Variants in MOB3B observed in about 807,000 individuals in gnomAD.
The protein encoded by MOB3B is MOB kinase activator 3B.
In MOB3B, 7 loss-of-function variants were observed where a neutral mutation model predicts 18.7. That is an observed-to-expected ratio of 0.37 (90% CI 0.21 to 0.70). The LOEUF (loss-of-function observed/expected upper bound fraction) is 0.70, where lower values mean the gene tolerates loss of function less well. MOB3B is among the 30% of genes least tolerant of loss of function. The pLI is 0.52. For synonymous variants in MOB3B, 111 were observed against 99.9 expected, an observed-to-expected ratio of 1.11 and a Z score of -0.66; for missense variants, 253 against 281.3, an observed-to-expected ratio of 0.90 and a Z score of 0.72.
At chr9:27,386,911 T>C (rs1002835087) in intron 2 of MOB3B, among the ~76,000 whole-genome samples, 2 of 152,198 alleles carry the variant, frequency 1.3e-5, no homozygotes, top group African/African-American at 4.8e-5. Context: ...CTAAGGCATG[T>C]GAACGCAGCA....
At chr9:27,474,084 C>A (rs533836324) in intron 1 of MOB3B, among the ~76,000 whole-genome samples, 23 of 152,150 alleles carry the variant, frequency 1.5e-4, no homozygotes, top group Admixed American at 4.6e-4. Context: ...TTATAAGCCA[C>A]CCAGTCTAAG....
At chr9:27,455,053 G>T in intron 2 of MOB3B, 80 bp downstream of exon 2, 3 of 1,437,712 alleles carry the variant, frequency 2.1e-6, no homozygotes, top group Non-Finnish European at 2.9e-6. Context: ...GTGCTACCTA[G>T]CATTCAAAGG....
intron 2 of MOB3B, among the ~76,000 whole-genome samples, chr9:27,396,178 C>A (rs746201156): frequency 6.6e-6 from 1 of 152,110 alleles, no homozygotes; most frequent in Non-Finnish European, 1.5e-5. Flanking sequence ...AAATAGTAAA[C>A]CACATTTTCT....
At chr9:27,518,855 G>A (rs1191860036) in intron 1 of MOB3B, among the ~76,000 whole-genome samples, 2 of 152,138 alleles carry the variant, frequency 1.3e-5, no homozygotes, top group South Asian at 2.1e-4. Flanking sequence ...GAAGTCACAC[G>A]GCAGTTTTTG....
At chr9:27,428,635 C>T (rs551439987) in intron 2 of MOB3B, among the ~76,000 whole-genome samples, 4 of 152,226 alleles carry the variant, frequency 2.6e-5, no homozygotes, top group Non-Finnish European at 4.4e-5. Flanking sequence ...AATTTATTGA[C>T]ATGACTTATT....
chr9:27,465,837 G>A (rs1390316025), intron 1 of MOB3B, among the ~76,000 whole-genome samples: 5 of 152,192 alleles, frequency 3.3e-5, no homozygotes, highest in Admixed American at 2.6e-4. Context: ...GGCCACAGCT[G>A]GAATGGCTGG....
At chr9:27,478,787 C>T (rs1819600429) in intron 1 of MOB3B, among the ~76,000 whole-genome samples, 1 of 145,882 alleles carries the variant, frequency 6.9e-6, no homozygotes, top group Admixed American at 7.0e-5. Flanking sequence ...TAGAAAATTA[C>T]AAGTCCCAAG....
intron 3 of MOB3B, among the ~76,000 whole-genome samples, chr9:27,336,765 C>T (rs1042234725): frequency 5.3e-5 from 8 of 152,044 alleles, no homozygotes; most frequent in South Asian, 2.1e-4. Flanking sequence ...ACAGCACGCC[C>T]GCACACGTGT....
rs1026312138 is a variant in MOB3B at position 27,436,445 on chromosome 9, G to A, written c.418+18688C>T. Among the ~76,000 whole-genome samples, 17 of 152,136 alleles carry A rather than the reference G, an allele frequency of 1.1e-4. 1 individual carries two copies. The highest frequency in any genetic ancestry group is 3.4e-4 in the African/African-American group (14 of 41,430). ...AGTTCATGAGGACAAGGTCATGCAC[G>A]TTTTGTTTCCCACTGTGTTCCAGTG... On this transcript the variant is annotated intron_variant, in intron 2 of 3. Coordinates refer to ENST00000262244, the MANE Select transcript of MOB3B (RefSeq NM_024761.5).
intron 2 of MOB3B, among the ~76,000 whole-genome samples, chr9:27,363,598 GGCTTAGCTCAGTTAAATCATTT>G (rs921300428): frequency 6.6e-6 from 1 of 151,616 alleles, no homozygotes; most frequent in Non-Finnish European, 1.5e-5. Flanking sequence ...TGGAAACTGA[GGCTTAGCTCAGTTAAATCATTT>G]GCCCCAGGCC....
intron 1 of MOB3B, among the ~76,000 whole-genome samples, chr9:27,489,694 GGA>G (rs1819784687): frequency 6.7e-6 from 1 of 148,204 alleles, no homozygotes; most frequent in Non-Finnish European, 1.5e-5. Context: ...TTTCCTGGCT[GGA>G]AACAGGCCCC....
At chr9:27,412,213 T>C (rs975806780) in intron 2 of MOB3B, among the ~76,000 whole-genome samples, 1 of 147,242 alleles carries the variant, frequency 6.8e-6, no homozygotes, top group African/African-American at 2.5e-5. Context: ...TAAGATAAAA[T>C]CAAGGAGAGG....
intron 2 of MOB3B, among the ~76,000 whole-genome samples, chr9:27,441,161 G>A (rs918294497): frequency 6.6e-6 from 1 of 152,162 alleles, no homozygotes; most frequent in Non-Finnish European, 1.5e-5. Context: ...ACCAACAAAT[G>A]TAATGTCTTT....
At chr9:27,345,235 T>A (rs779033317) in intron 3 of MOB3B, among the ~76,000 whole-genome samples, 1 of 152,046 alleles carries the variant, frequency 6.6e-6, no homozygotes, top group Non-Finnish European at 1.5e-5. Context: ...TAAAAATTGC[T>A]CTCTAAATGT....
intron 1 of MOB3B, among the ~76,000 whole-genome samples, chr9:27,527,391 G>A (rs1443279746): frequency 1.3e-5 from 2 of 152,076 alleles, no homozygotes; most frequent in African/African-American, 4.8e-5. Flanking sequence ...TGGTTCCACC[G>A]TTGGGAAGGT....
chr9:27,526,377 A>G (rs550048195), intron 1 of MOB3B: 1 of 152,378 alleles, frequency 6.6e-6, no homozygotes, highest in Non-Finnish European at 1.5e-5. Flanking sequence ...GTTGTTCCAG[A>G]TTAAAAATAG....
chr9:27,408,124 C>G (rs1025353123), intron 2 of MOB3B, among the ~76,000 whole-genome samples: 1 of 152,196 alleles, frequency 6.6e-6, no homozygotes, highest in African/African-American at 2.4e-5. Flanking sequence ...TCACAACAAA[C>G]CATGTGCCTC....
intron 2 of MOB3B, chr9:27,378,643 C>T (rs1228976996): frequency 2.1e-5 from 10 of 471,028 alleles, no homozygotes; most frequent in South Asian, 1.5e-4. Context: ...TCTCCCAGCC[C>T]TTGCCAGCCC....
At chr9:27,454,089 G>A (rs1448949107) in intron 2 of MOB3B, among the ~76,000 whole-genome samples, 2 of 152,160 alleles carry the variant, frequency 1.3e-5, no homozygotes, top group African/African-American at 4.8e-5. Context: ...AATATTTCAA[G>A]ATGTACATAC....
Sources: gnomAD v4.1 joint callset for allele counts (sites outside exome capture counted in the v4.1 genomes callset) on GRCh38, gnomAD v4.1.1 for gene constraint, MANE v1.5 for transcripts, NCBI Gene and HGNC (gene_info 2026-07-23, HGNC 2026-07-21) for gene names.